The following DAB1 variants were observed in gnomAD, a reference collection of about 807,000 sequenced individuals.
DAB1 encodes DAB adaptor protein 1.
A neutral mutation model predicts 64.6 loss-of-function variants in DAB1; 15 were observed. The ratio of observed to expected loss-of-function variants is 0.23; its 90% CI spans 0.16 to 0.36. DAB1 has a LOEUF of 0.36. Among genes scored for constraint, DAB1 ranks in the 10% least tolerant of loss-of-function variants. DAB1 has a pLI of 1.00. For synonymous variants in DAB1, 235 were observed against 251.9 expected (o/e 0.93, Z 0.64); for missense variants, 596 against 706.7 (o/e 0.84, Z 1.78).
At chr1:58,489,670 A>G (rs1362593370) in intron 3 of DAB1, among the ~76,000 whole-genome samples, 1 of 152,204 alleles carries the variant, frequency 6.6e-6, no homozygotes, top group Admixed American at 6.5e-5. Flanking sequence ...ACCCCTGAGT[A>G]GCCTAACTGG....
rs868396819 is a variant in DAB1, at chr1:57,365,096, G to A, written c.-137+58834C>T. Among the ~76,000 whole-genome samples, 126 of 142,252 alleles carry A rather than the reference G, an allele frequency of 8.9e-4. 1 individual carries two copies. The highest frequency in any genetic ancestry group is 1.7e-3 in the Admixed American group (24 of 13,806). The allele number at this position is 142,252 out of a possible 152,430, so 93.3% of individuals were successfully genotyped here. ...ATATATATATATAAAGAATATATAC[G>A]TATGAATATATACTTTGTATATATA... On this transcript the variant is annotated intron_variant, in intron 1 of 14. Transcript: ENST00000371236.
In DAB1 at chr1:58,433,596, AGTGT is replaced by A. The variant is rs71580866; in HGVS notation, n.257+72460_257+72463del. Among the ~76,000 whole-genome samples, 304 of 79,836 alleles carry A rather than the reference AGTGT, an allele frequency of 3.8e-3. 1 individual carries two copies. The highest frequency in any genetic ancestry group is 0.018 in the Middle Eastern group (3 of 164). 52.4% of individuals were successfully genotyped at this position (79,836 alleles called of 152,430 possible). ...GAGAGAGAGAGAGAGAGAGAGAGAG[AGTGT>A]GTGTGTGTGTGTGTGTGTGTTTGTG... On this transcript the variant is annotated intron_variant and non_coding_transcript_variant, in intron 3 of 20. Coordinates refer to the DAB1 transcript ENST00000485760.
At chr1:58,217,672 A>G (rs1438279975) in intron 4 of DAB1, among the ~76,000 whole-genome samples, 1 of 152,174 alleles carries the variant, frequency 6.6e-6, no homozygotes, top group Non-Finnish European at 1.5e-5. Flanking sequence ...CTCCCATTTT[A>G]GAGATAAAGA....
rs892452244 is a variant in DAB1, at chr1:58,126,891, C to G, written n.387+23620G>C. On this transcript the variant is annotated intron_variant and non_coding_transcript_variant, in intron 5 of 20. Coordinates refer to the DAB1 transcript ENST00000485760. ...CATTTGGGTTGGTTCCAAGTCTTTG[C>G]TATTGTGAATAATGCCGCAATAAAC... 5.9e-4 allele frequency among the ~76,000 whole-genome samples: 86 copies of G among 145,552 alleles called. 1 individual carries two copies. Among genetic ancestry groups the G allele is most frequent in the African/African-American group, 2.2e-3 (84 of 38,930 alleles).
intron 6 of DAB1, among the ~76,000 whole-genome samples, chr1:57,699,488 T>G (rs1244809731): frequency 6.6e-6 from 1 of 152,214 alleles, no homozygotes; most frequent in Non-Finnish European, 1.5e-5. Flanking sequence ...CTTGATGCTT[T>G]CTAACTATTC....
intron 5 of DAB1, among the ~76,000 whole-genome samples, chr1:58,040,822 G>A (rs1450821019): frequency 6.6e-6 from 1 of 152,044 alleles, no homozygotes; most frequent in East Asian, 1.9e-4. Flanking sequence ...TGCAACAAAA[G>A]GCATCCACTT....
At chr1:57,311,590 T>C (rs1339120870) in intron 1 of DAB1, among the ~76,000 whole-genome samples, 2 of 152,102 alleles carry the variant, frequency 1.3e-5, no homozygotes, top group African/African-American at 2.4e-5. Context: ...CATTCAGTTA[T>C]GTTAGGGAGC....
chr1:57,767,646 T>C (rs1649372645), intron 6 of DAB1, among the ~76,000 whole-genome samples: 1 of 152,138 alleles, frequency 6.6e-6, no homozygotes, highest in Admixed American at 6.5e-5. Flanking sequence ...GTATCTGGCA[T>C]TATAGTGGCT....
At chr1:57,477,013 T>TA (rs1403479471) in intron 7 of DAB1, among the ~76,000 whole-genome samples, 1 of 152,178 alleles carries the variant, frequency 6.6e-6, no homozygotes, top group African/African-American at 2.4e-5. Flanking sequence ...GTTGTGAAGA[T>TA]AAAAATGGCA....
intron 1 of DAB1, chr1:58,530,624 A>G (rs770204533): frequency 4.6e-6 from 4 of 872,616 alleles, no homozygotes; most frequent in Non-Finnish European, 8.0e-6. Flanking sequence ...GACTGTATCC[A>G]CTGGCACAAA....
At chr1:57,976,416 C>T (rs1049958386) in intron 5 of DAB1, among the ~76,000 whole-genome samples, 2 of 152,168 alleles carry the variant, frequency 1.3e-5, no homozygotes, top group Non-Finnish European at 2.9e-5. Context: ...CAGCTTTGCT[C>T]GACTGCCATC....
chr1:57,048,158 C>A (rs780382595), intron 9 of DAB1, among the ~76,000 whole-genome samples: 7 of 152,170 alleles, frequency 4.6e-5, no homozygotes, highest in Admixed American at 4.6e-4. Flanking sequence ...CCCAAGGTCC[C>A]ACCGCTGGTA....
intron 6 of DAB1, among the ~76,000 whole-genome samples, chr1:57,715,869 T>A (rs1320226978): frequency 6.6e-6 from 1 of 152,202 alleles, no homozygotes; most frequent in East Asian, 1.9e-4. Context: ...CCCAAATCAA[T>A]CTACAGACTC....
chr1:58,217,068 G>T (rs1240949206), intron 4 of DAB1, among the ~76,000 whole-genome samples: 4 of 152,090 alleles, frequency 2.6e-5, no homozygotes, highest in Non-Finnish European at 4.4e-5. Flanking sequence ...TTATATTTTG[G>T]CAAATGTCTT....
chr1:57,168,916 G>A (rs1661461886), intron 2 of DAB1, among the ~76,000 whole-genome samples: 1 of 151,974 alleles, frequency 6.6e-6, no homozygotes, highest in South Asian at 2.1e-4. Flanking sequence ...AATTAGCAAG[G>A]CATGGTGGCA....
intron 2 of DAB1, among the ~76,000 whole-genome samples, chr1:57,220,177 G>T (rs1666747048): frequency 6.6e-6 from 1 of 152,204 alleles, no homozygotes; most frequent in African/African-American, 2.4e-5. Context: ...GACATGGTAG[G>T]CTTTGCAGTT....
intron 3 of DAB1, among the ~76,000 whole-genome samples, chr1:58,447,865 A>C (rs12566604): frequency 1.5e-5 from 2 of 131,478 alleles, no homozygotes; most frequent in African/African-American, 2.9e-5. Flanking sequence ...AACAAAAAAA[A>C]AAAAAAAGTC....
intron 4 of DAB1, among the ~76,000 whole-genome samples, chr1:58,238,334 T>C (rs1660141596): frequency 6.6e-6 from 1 of 152,056 alleles, no homozygotes; most frequent in South Asian, 2.1e-4. Flanking sequence ...GAACGGTAAA[T>C]GTGTCAAATG....
chr1:57,728,511 G>A (rs1853548), intron 6 of DAB1, among the ~76,000 whole-genome samples: 9,048 of 151,772 alleles, frequency 0.06, 310 homozygotes, highest in Admixed American at 0.086. Flanking sequence ...GGAGAATGGC[G>A]TGAACCCGGG....
Sources: allele counts gnomAD v4.1 joint callset (sites outside exome capture counted in the v4.1 genomes callset), GRCh38; gene constraint gnomAD v4.1.1; transcripts MANE v1.5; gene names NCBI Gene and HGNC (gene_info 2026-07-23, HGNC 2026-07-21).